Variants in DNAH17 observed in about 807,000 individuals in gnomAD.
DNAH17 encodes axonemal beta dynein heavy chain 17.
Under a neutral mutation model 485.6 loss-of-function variants are expected in DNAH17, and 376 were observed. The ratio of observed to expected loss-of-function variants is 0.77; its 90% CI spans 0.71 to 0.84. The LOEUF is 0.84. DNAH17 is among the 40% of genes least tolerant of loss of function. The pLI is 0.00. For missense variants in DNAH17, 6,370 were observed against 5,839.3 expected, an observed-to-expected ratio of 1.09 and a Z score of -2.96; for synonymous variants, 3,031 against 2,405.9, an observed-to-expected ratio of 1.26 and a Z score of -7.60.
intron 19 of DNAH17, among the ~76,000 whole-genome samples, chr17:78,533,447 G>A (rs971180209): frequency 3.9e-5 from 6 of 152,150 alleles, no homozygotes; most frequent in East Asian, 1.9e-4. Context: ...CAAAGGCCCC[G>A]TGGTGGGAGG....
At chr17:78,491,877 C>A (rs1286600459) in intron 42 of DNAH17, among the ~76,000 whole-genome samples, 1 of 152,246 alleles carries the variant, frequency 6.6e-6, no homozygotes, top group African/African-American at 2.4e-5. Context: ...CGGGGCGCAG[C>A]ACCTGTGCAC....
At chr17:78,454,742 G>C in intron 63 of DNAH17, 37 bp from the exon 64 acceptor site, 1 of 1,546,998 alleles carries the variant, frequency 6.5e-7, no homozygotes, top group Non-Finnish European at 8.9e-7. Flanking sequence ...AGGGGGTAAT[G>C]CGACCTTATT....
In DNAH17 at chr17:78,572,305, C is replaced by T. The variant is rs553080392; in HGVS notation, c.539+396G>A. Among the ~76,000 whole-genome samples, 13 of 152,248 alleles carry T rather than the reference C, an allele frequency of 8.5e-5. 2 individuals carry two copies. In the South Asian group the frequency reaches 2.7e-3, roughly 32 times the overall value. ...AGCCTCTACACAGACTTGCATGTAC[C>T]TGCTGAGAGTCCCTCCCACTCCCAC... is the stretch of plus-strand genomic sequence containing the variant. On this transcript the variant is annotated intron_variant, in intron 3 of 80. Transcript: ENST00000389840.
intron 48 of DNAH17, among the ~76,000 whole-genome samples, chr17:78,483,601 G>T (rs1416568186): frequency 6.6e-6 from 1 of 151,522 alleles, no homozygotes; most frequent in African/African-American, 2.4e-5. Context: ...TTGGACTCCA[G>T]CCTGGGCAGC....
At chr17:78,461,894 C>T (rs573221931) in intron 57 of DNAH17, among the ~76,000 whole-genome samples, 186 bp from the exon 58 acceptor site, 25 of 152,162 alleles carry the variant, frequency 1.6e-4, no homozygotes, top group African/African-American at 5.8e-4. Context: ...ACCCTGACTG[C>T]GTACACAGGG....
At chr17:78,476,938 A>C (rs558341477) in intron 51 of DNAH17, among the ~76,000 whole-genome samples, 6 of 152,188 alleles carry the variant, frequency 3.9e-5, no homozygotes, top group African/African-American at 1.2e-4. Flanking sequence ...GTGTGTCCTG[A>C]GAGATGTGGA....
At chr17:78,459,762 A>T in intron 60 of DNAH17, 22 bp downstream of exon 60, 1 of 1,612,700 alleles carries the variant, frequency 6.2e-7, no homozygotes, top group Non-Finnish European at 8.5e-7. Flanking sequence ...AGCCCCGGCT[A>T]CGAGGCCCAG....
At position 78,500,377 on chromosome 17, in the gene DNAH17, C is replaced by G. The variant is rs150399243; in HGVS notation, c.5568G>C (p.Thr1856=). Residue 1856 remains threonine, a synonymous_variant, in exon 36 of 81, where the codon ACG becomes ACC. Transcript: ENST00000389840. ...CCAGGGCTCTGCCCAGGTCCTTGGT[C>G]GTCTCAGTCTTGCCGGTCCCAGCGG... is the stretch of plus-strand genomic sequence containing the variant. The part of the protein sequence containing the change: ...AGPAGTGKTE[T]TKDLGRALGT... The G allele has an allele frequency of 3.1e-6, 5 of 1,612,322 alleles. No individual in the cohort carries two copies. Among genetic ancestry groups the G allele is most frequent in the Admixed American group, 3.3e-5 (2 of 59,744 alleles).
intron 33 of DNAH17, 137 bp downstream of exon 33, chr17:78,502,454 G>A (rs961605724): frequency 5.1e-6 from 4 of 788,704 alleles, no homozygotes; most frequent in East Asian, 5.6e-5. Flanking sequence ...TGGAAACGAC[G>A]GTTTTGCGGG....
In DNAH17 at chr17:78,429,224, C is replaced by G; in HGVS notation, c.12302G>C (p.Arg4101Pro). The change falls in exon 76 of 81, where the codon CGG becomes CCG. Residue 4101 changes from arginine (R) to proline (P), a missense_variant. By Grantham distance (103) the Arg-to-Pro change is moderately radical. Coordinates refer to ENST00000389840, the MANE Select transcript of DNAH17 (RefSeq NM_173628.4). ...TTCAGCCAGGTAGGTCCTGCACAGCCGACGGTCCCAGTCATCTGTGATGTG... is the reference window on the plus strand; with the variant it reads ...TTCAGCCAGGTAGGTCCTGCACAGCGGACGGTCCCAGTCATCTGTGATGTG... ...GGHITDDWDR[R>P]LCRTYLAEYI... 1.2e-6 allele frequency: 2 copies of G among 1,613,818 alleles called. No individual in the cohort carries two copies. The highest frequency in any genetic ancestry group is 1.7e-6 in the Non-Finnish European group (2 of 1,179,872).
chr17:78,508,893 C>T (rs2090560186), intron 27 of DNAH17, among the ~76,000 whole-genome samples: 1 of 151,810 alleles, frequency 6.6e-6, no homozygotes, highest in Admixed American at 6.6e-5. Flanking sequence ...CCTCCATCTC[C>T]TGAGCTCAAT....
At chr17:78,484,316 C>T (rs1365843697) in intron 48 of DNAH17, among the ~76,000 whole-genome samples, 2 of 151,942 alleles carry the variant, frequency 1.3e-5, no homozygotes, top group Non-Finnish European at 2.9e-5. Context: ...GGCTTCTTCA[C>T]GTGTGGCAGG....
chr17:78,535,212 G>T (rs1411759771), intron 19 of DNAH17, among the ~76,000 whole-genome samples: 1 of 152,204 alleles, frequency 6.6e-6, no homozygotes, highest in Admixed American at 6.5e-5. Context: ...TGGGGACAGT[G>T]GGAGGGGCAC....
intron 26 of DNAH17, chr17:78,510,727 G>A (rs1311350433): frequency 9.4e-6 from 5 of 532,712 alleles, no homozygotes; most frequent in South Asian, 4.8e-5. Context: ...AGAGCAGAAC[G>A]CACCTGCACT....
At chr17:78,537,532 A>G in intron 18 of DNAH17, 51 bp from the exon 19 acceptor site, 1 of 1,589,196 alleles carries the variant, frequency 6.3e-7, no homozygotes, top group Non-Finnish European at 8.6e-7. Flanking sequence ...CCTCCATCGG[A>G]TGATTCTCAG....
chr17:78,456,099 T>G (rs8071287), intron 62 of DNAH17, among the ~76,000 whole-genome samples: 138,193 of 152,068 alleles, frequency 0.91, 62,875 homozygotes, highest in East Asian at 0.99. Context: ...AGGGGGTCGA[T>G]ACCAGCCTGG....
chr17:78,508,719 G>T (rs936976912), intron 27 of DNAH17, among the ~76,000 whole-genome samples: 1 of 152,098 alleles, frequency 6.6e-6, no homozygotes, highest in African/African-American at 2.4e-5. Flanking sequence ...AAAGGGGTAG[G>T]GGATGATGGC....
chr17:78,425,306 G>A (rs747337617), intron 80 of DNAH17, 40 bp downstream of exon 80: 8 of 1,586,058 alleles, frequency 5.0e-6, no homozygotes, highest in Non-Finnish European at 6.9e-6. Context: ...AGTAGCACTG[G>A]CTCTGGAAGC....
At chr17:78,494,915 C>T (rs560400541) in intron 39 of DNAH17, 44 bp downstream of exon 39, 11 of 1,590,368 alleles carry the variant, frequency 6.9e-6, no homozygotes, top group Non-Finnish European at 9.4e-6. Flanking sequence ...GCCCGCATCT[C>T]AAACTCCCAC....
Sources: gnomAD v4.1 joint callset for allele counts (sites outside exome capture counted in the v4.1 genomes callset) on GRCh38, gnomAD v4.1.1 for gene constraint, MANE v1.5 for transcripts, NCBI Gene and HGNC (gene_info 2026-07-23, HGNC 2026-07-21) for gene names.